Variants in ZSCAN9 observed in about 807,000 individuals in gnomAD.
The protein encoded by ZSCAN9 is zinc finger and SCAN domain containing 9.
In ZSCAN9, 19 loss-of-function variants were observed where a neutral mutation model predicts 23.0. That is an observed-to-expected ratio of 0.83 (90% CI 0.58 to 1.21). ZSCAN9 has a LOEUF of 1.21. Among genes scored for constraint, ZSCAN9 ranks in the 50% most tolerant of loss-of-function variants. The probability of loss-of-function intolerance (pLI) is 0.00; values close to 1 mark genes in which losing one functional copy is unlikely to be tolerated. For missense variants in ZSCAN9, 467 were observed against 471.5 expected (o/e 0.99, Z 0.09); for synonymous variants, 155 against 164.8 (o/e 0.94, Z 0.46).
chr6:28,227,719 C>T lies in ZSCAN9; in HGVS notation c.450C>T (p.Val150=), dbSNP rs770152324. 2.9e-5 allele frequency: 46 copies of T among 1,605,458 alleles called. No homozygotes were observed. The highest frequency in any genetic ancestry group is 1.2e-4 in the Admixed American group (7 of 56,738). ...TGGCCCACAGACACAGACAAGAAGTCCTCTGTAAAGAGATGGTGCCTCTAG... is the reference window on the plus strand; with the variant it reads ...TGGCCCACAGACACAGACAAGAAGTTCTCTGTAAAGAGATGGTGCCTCTAG... ...EMVAHRHRQE[V]LCKEMVPLAE... is the part of the protein sequence containing the mutation. Residue 150 remains valine, a synonymous_variant, in exon 3 of 4, where the codon GTC becomes GTT. Transcript: ENST00000252207.
chr6:28,233,086 C>A lies in ZSCAN9; in HGVS notation c.1093C>A (p.Pro365Thr). ...TCAGAGAAGCCACACAGGGGAGCGA[C>A]CTCACCAGTGCATTGAATGTGGGAA... is the stretch of plus-strand genomic sequence containing the variant. Reference protein sequence around the residue: ...EHQRSHTGERPHQCIECGKSF... With the variant: ...EHQRSHTGERTHQCIECGKSF... The change falls in exon 4 of 4, where the codon CCT becomes ACT. Residue 365 changes from proline (P) to threonine (T), a missense_variant. Pro to Thr is a conservative substitution (Grantham distance 38). Transcript: ENST00000252207. 6.2e-7 allele frequency: 1 copy of A among 1,614,138 alleles called. No individual in the cohort carries two copies. The highest frequency in any genetic ancestry group is 8.5e-7 in the Non-Finnish European group (1 of 1,180,018).
At chr6:28,226,264 C>T (rs751856330) in intron 1 of ZSCAN9, among the ~76,000 whole-genome samples, 8 of 152,208 alleles carry the variant, frequency 5.3e-5, no homozygotes, top group Non-Finnish European at 8.8e-5. Context: ...GTGTGGAAAG[C>T]TCCAGGACTT....
Position 28,227,256 on chromosome 6 carries a change from C to T in ZSCAN9, c.172C>T (p.Leu58=). Residue 58 remains leucine, a synonymous_variant, in exon 2 of 4, where the codon CTG becomes TTG. Coordinates refer to ENST00000252207, the MANE Select transcript of ZSCAN9 (RefSeq NM_006299.5). ...REIFRRHFRQ[L]CYQETPGPRE... ...AATCTTCCGAAGGCACTTTCGACAG[C>T]TGTGCTACCAAGAGACCCCTGGACC... The T allele has an allele frequency of 1.2e-6, 2 of 1,614,236 alleles. No individual in the cohort carries two copies. Among genetic ancestry groups the T allele is most frequent in the East Asian group, 4.5e-5 (2 of 44,880 alleles).
At chr6:28,227,618 C>T (rs1561845824) in intron 2 of ZSCAN9, 72 bp from the exon 3 acceptor site, 4 of 1,577,276 alleles carry the variant, frequency 2.5e-6, no homozygotes, top group South Asian at 2.4e-5. Flanking sequence ...TTCCTGTTTC[C>T]TTCTTTCTTG....
At chr6:28,226,218 C>T (rs1269047717) in intron 1 of ZSCAN9, among the ~76,000 whole-genome samples, 1 of 152,170 alleles carries the variant, frequency 6.6e-6, no homozygotes, top group East Asian at 1.9e-4. Context: ...TAGACTTGTG[C>T]AGTGTTGACT....
intron 3 of ZSCAN9, chr6:28,230,378 T>G: frequency 6.5e-7 from 1 of 1,536,112 alleles, no homozygotes; most frequent in Non-Finnish European, 8.7e-7. Context: ...CTGATCCCAC[T>G]TGGGGCCCAT....
In ZSCAN9 at chr6:28,232,271, C is replaced by T. The variant is rs1206408242; in HGVS notation, c.569-291C>T. ...GCTTGAACCTGGGAAATGGAGGCTGCAGTGAGCTGAGATCACACCATTGCA... is the reference window on the plus strand; with the variant it reads ...GCTTGAACCTGGGAAATGGAGGCTGTAGTGAGCTGAGATCACACCATTGCA... On this transcript the variant is annotated intron_variant, in intron 3 of 3. Coordinates refer to ENST00000252207, the MANE Select transcript of ZSCAN9 (RefSeq NM_006299.5). 2.0e-5 allele frequency among the ~76,000 whole-genome samples: 3 copies of T among 152,156 alleles called. No individual in the cohort carries two copies. The East Asian group carries it at 5.8e-4, about 29-fold the overall frequency.
chr6:28,227,902 A>C (rs770436486), intron 3 of ZSCAN9, 65 bp downstream of exon 3: 1 of 1,585,570 alleles, frequency 6.3e-7, no homozygotes, highest in Non-Finnish European at 8.6e-7. Context: ...CAAACAATAA[A>C]CCCAGAGCTG....
chr6:28,230,132 C>T (rs1472431933), intron 3 of ZSCAN9, among the ~76,000 whole-genome samples: 1 of 152,200 alleles, frequency 6.6e-6, no homozygotes, highest in Non-Finnish European at 1.5e-5. Flanking sequence ...GCTGGGATTA[C>T]AGGCGTGAGT....
Position 28,232,871 on chromosome 6 carries a change from G to T in ZSCAN9, c.878G>T (p.Arg293Leu), listed in dbSNP as rs201453653. The change falls in exon 4 of 4, where the codon CGA (arginine) becomes CTA (leucine). Residue 293 changes from arginine (R) to leucine (L), a missense_variant. Transcript: ENST00000252207. ...AATGAATGTGGGAAAGCCTTCAGTC[G>T]AAGTTCTGGTCTTTTTAATCACCGA... Reference protein sequence around the residue: ...ECNECGKAFSRSSGLFNHRGI... With the variant: ...ECNECGKAFSLSSGLFNHRGI... The T allele has an allele frequency of 1.2e-6, 2 of 1,614,174 alleles. No individual in the cohort carries two copies. The highest frequency in any genetic ancestry group is 1.3e-5 in the African/African-American group (1 of 75,030).
intron 1 of ZSCAN9, among the ~76,000 whole-genome samples, chr6:28,226,000 G>A (rs758154126): frequency 6.6e-6 from 1 of 152,212 alleles, no homozygotes; most frequent in Non-Finnish European, 1.5e-5. Flanking sequence ...ACCCCCATGG[G>A]TTTCAGGTGC....
chr6:28,230,000 G>A (rs1760247366), intron 3 of ZSCAN9, among the ~76,000 whole-genome samples: 1 of 152,036 alleles, frequency 6.6e-6, no homozygotes, highest in African/African-American at 2.4e-5. Flanking sequence ...TGGGACTACA[G>A]GCACCCGCCA....
At position 28,233,351 on chromosome 6, in the gene ZSCAN9, C is replaced by G; in HGVS notation, c.*173C>G. Reference sequence around the variant, plus strand: ...TGGGTGTTTGAAGCTACTGTTTTCTCTTTTGTTCATTTTACCTCTTTCTTA... The same window carrying G: ...TGGGTGTTTGAAGCTACTGTTTTCTGTTTTGTTCATTTTACCTCTTTCTTA... On this transcript the variant is annotated 3_prime_UTR_variant, in exon 4 of 4. Coordinates refer to ENST00000252207, the MANE Select transcript of ZSCAN9 (RefSeq NM_006299.5). 11 of 1,185,338 alleles carry G rather than the reference C, an allele frequency of 9.3e-6. No homozygotes were observed. Among genetic ancestry groups the G allele is most frequent in the Non-Finnish European group, 1.2e-5 (11 of 881,344 alleles). 73.4% of individuals were successfully genotyped at this position (1,185,338 alleles called of 1,614,324 possible). A position where few individuals can be genotyped will look rare whatever the true frequency, so the allele number is the denominator to read the frequency against.
intron 3 of ZSCAN9, among the ~76,000 whole-genome samples, chr6:28,229,778 C>T (rs898988895): frequency 2.6e-5 from 4 of 152,030 alleles, no homozygotes; most frequent in East Asian, 1.9e-4. Flanking sequence ...GAGGTAGCTA[C>T]TCTTGTCACT....
At position 28,233,365 on chromosome 6, in the gene ZSCAN9, A is replaced by T; in HGVS notation, c.*187A>T. 1 of 1,003,796 alleles carries T rather than the reference A, an allele frequency of 1.0e-6. No individual in the cohort carries two copies. Among genetic ancestry groups the T allele is most frequent in the Non-Finnish European group, 1.4e-6 (1 of 723,466 alleles). 62.2% of individuals were successfully genotyped at this position (1,003,796 alleles called of 1,614,324 possible). A position where few individuals can be genotyped will look rare whatever the true frequency, so the allele number is the denominator to read the frequency against. On this transcript the variant is annotated 3_prime_UTR_variant, in exon 4 of 4. Transcript: ENST00000252207. ...TACTGTTTTCTCTTTTGTTCATTTT[A>T]CCTCTTTCTTACTCTTACTAGCTGT... is the stretch of plus-strand genomic sequence containing the variant.
At chr6:28,228,696 A>G (rs1446487622) in intron 3 of ZSCAN9, 1 of 154,464 alleles carries the variant, frequency 6.5e-6, no homozygotes, top group Non-Finnish European at 1.5e-5. Flanking sequence ...TGCTTAATAC[A>G]TGGTCACTAT....
At chr6:28,232,275 G>A (rs541746723) in intron 3 of ZSCAN9, among the ~76,000 whole-genome samples, 16 of 152,246 alleles carry the variant, frequency 1.1e-4, no homozygotes, top group Admixed American at 9.8e-4. Flanking sequence ...AGGCTGCAGT[G>A]AGCTGAGATC....
At chr6:28,230,285 T>G (rs964841309) in intron 3 of ZSCAN9, 14 of 1,440,622 alleles carry the variant, frequency 9.7e-6, no homozygotes, top group African/African-American at 1.4e-5. Context: ...CATTAAAAGG[T>G]GGGAAATGTC....
At chr6:28,225,499 T>C (rs972066056) in intron 1 of ZSCAN9, 133 bp downstream of exon 1, 1 of 152,506 alleles carries the variant, frequency 6.6e-6, no homozygotes, top group Non-Finnish European at 1.5e-5. Flanking sequence ...GCCGGGCGGC[T>C]TCGGGCGTCC....
Sources: allele counts gnomAD v4.1 joint callset (sites outside exome capture counted in the v4.1 genomes callset), GRCh38; gene constraint gnomAD v4.1.1; transcripts MANE v1.5; gene names NCBI Gene and HGNC (gene_info 2026-07-23, HGNC 2026-07-21).